The following POU2F2 variants were observed in gnomAD, a reference collection of about 807,000 sequenced individuals.
POU2F2 encodes the protein POU domain, class 2, transcription factor 2.
A neutral mutation model predicts 63.5 loss-of-function variants in POU2F2; 14 were observed. That is an observed-to-expected ratio of 0.22 (90% CI 0.15 to 0.34). POU2F2 has a LOEUF of 0.34. Among genes scored for constraint, POU2F2 ranks in the 10% least tolerant of loss-of-function variants. The pLI is 1.00. For missense variants in POU2F2, 607 were observed against 815.2 expected, an observed-to-expected ratio of 0.74 and a Z score of 3.11; for synonymous variants, 306 against 348.6, an observed-to-expected ratio of 0.88 and a Z score of 1.36.
At chr19:42,186,670 G>A (rs1438935293) in intron 1 of POU2F2, among the ~76,000 whole-genome samples, 3 of 152,084 alleles carry the variant, frequency 2.0e-5, no homozygotes, top group Non-Finnish European at 4.4e-5. Flanking sequence ...CAATAGCCTA[G>A]GCAAGAGATG....
upstream of POU2F2, among the ~76,000 whole-genome samples, chr19:42,179,543 G>A (rs1599725215): frequency 6.6e-6 from 1 of 151,872 alleles, no homozygotes; most frequent in Non-Finnish European, 1.5e-5. Context: ...GGAGGGAAAG[G>A]GAGGAGGAGG....
intron 2 of POU2F2, among the ~76,000 whole-genome samples, chr19:42,147,851 G>A (rs1448338469): frequency 6.6e-6 from 1 of 152,134 alleles, no homozygotes; most frequent in Non-Finnish European, 1.5e-5. Context: ...AACAGGAAAG[G>A]GCATGGCCAT....
Position 42,095,475 on chromosome 19 carries a change from G to A in POU2F2, c.1021-13C>T, listed in dbSNP as rs762592237. 1 of 1,611,156 alleles carries A rather than the reference G, an allele frequency of 6.2e-7. No individual in the cohort carries two copies. Among genetic ancestry groups the A allele is most frequent in the South Asian group, 1.1e-5 (1 of 90,996 alleles). On this transcript the variant is annotated splice_polypyrimidine_tract_variant and intron_variant, in intron 10 of 14. Transcript: ENST00000692977. The surrounding 1 kb of genome is among the most constrained non-coding windows in gnomAD (Gnocchi z 7.1). ...TAGGCTTCTGGTTCTGCAGGCAGAGGGCTCGTTAGCCCGAGGCCCACCGCC... is the reference window on the plus strand; with the variant it reads ...TAGGCTTCTGGTTCTGCAGGCAGAGAGCTCGTTAGCCCGAGGCCCACCGCC...
intron 2 of POU2F2, among the ~76,000 whole-genome samples, chr19:42,141,018 T>C (rs2034116064): frequency 6.6e-6 from 1 of 152,218 alleles, no homozygotes; most frequent in South Asian, 2.1e-4. Context: ...CTGCCACAAA[T>C]TCTGTACACA....
At chr19:42,108,869 A>G (rs2030594159) in intron 5 of POU2F2, among the ~76,000 whole-genome samples, 1 of 152,218 alleles carries the variant, frequency 6.6e-6, no homozygotes, top group South Asian at 2.1e-4. Flanking sequence ...AACCTAGCAC[A>G]AGAGCTAGCA....
intron 1 of POU2F2, among the ~76,000 whole-genome samples, chr19:42,183,196 C>T (rs151120693): frequency 6.6e-6 from 1 of 152,308 alleles, no homozygotes; most frequent in Non-Finnish European, 1.5e-5. Flanking sequence ...GCTGAAGAAA[C>T]AAATGCAAAT....
intron 5 of POU2F2, among the ~76,000 whole-genome samples, chr19:42,107,420 A>T (rs2030286794): frequency 6.6e-6 from 1 of 152,198 alleles, no homozygotes. Context: ...GTGGTCATAA[A>T]ATCATTTATG....
chr19:42,092,177 G>C lies in POU2F2; in HGVS notation c.1358C>G (p.Ser453Cys). The C allele has an allele frequency of 1.3e-6, 2 of 1,493,076 alleles. No homozygotes were observed. The highest frequency in any genetic ancestry group is 9.1e-7 in the Non-Finnish European group (1 of 1,098,836). The allele number at this position is 1,493,076 out of a possible 1,614,324, so 92.5% of individuals were successfully genotyped here. Residue 453 changes from serine (S) to cysteine (C), a missense_variant, in exon 13 of 15, where the codon TCC becomes TGC. Physicochemically the swap from Ser to Cys is moderately radical, Grantham distance 112. Around this residue, in one of 7 missense-constraint regions of POU2F2, gnomAD observed 270 missense variants for 307.5 expected, o/e 0.88. Coordinates refer to ENST00000692977, the MANE Select transcript of POU2F2 (RefSeq NM_001394376.1). This position sits in a 1 kb window ranked among gnomAD's most constrained non-coding sequence, Gnocchi z 5.0. ...GGGGAAPPLN[S>C]IPSVTPPPPA... ...GGGTGGGGGAGTGACAGAGGGGATG[G>C]AATTGAGGGGGGGCGCAGCCCCGCC... is the stretch of plus-strand genomic sequence containing the variant.
chr19:42,101,394 A>T (rs1272051717), intron 5 of POU2F2, among the ~76,000 whole-genome samples: 2 of 152,120 alleles, frequency 1.3e-5, no homozygotes, highest in Non-Finnish European at 2.9e-5. Context: ...CTCTAATCCT[A>T]TATGACTTGT....
At position 42,090,985 on chromosome 19, in the gene POU2F2, GGTTT is replaced by G. The variant is rs2076690641; in HGVS notation, c.*268_*271del. On this transcript the variant is annotated 3_prime_UTR_variant, in exon 15 of 15. Transcript: ENST00000692977. This position sits in a 1 kb window ranked among gnomAD's most constrained non-coding sequence, Gnocchi z 4.4. ...GATTTTGTGGGTTTTTTTTTTTTTTGGTTTGTTTTTGGTTTTTTTTTGTTTGTTT... is the reference window on the plus strand; with the variant it reads ...GATTTTGTGGGTTTTTTTTTTTTTTGGTTTTTGGTTTTTTTTTGTTTGTTT... 2 of 236,200 alleles carry G rather than the reference GGTTT, an allele frequency of 8.5e-6. No individual in the cohort carries two copies. Among genetic ancestry groups the G allele is most frequent in the African/African-American group, 2.4e-5 (1 of 42,096 alleles). The allele number at this position is 236,200 out of a possible 1,614,324, so 14.6% of individuals were successfully genotyped here. A position where few individuals can be genotyped will look rare whatever the true frequency, so the allele number is the denominator to read the frequency against.
At chr19:42,193,306 T>C (rs1169698812) in intron 1 of POU2F2, among the ~76,000 whole-genome samples, 1 of 151,996 alleles carries the variant, frequency 6.6e-6, no homozygotes, top group Non-Finnish European at 1.5e-5. Flanking sequence ...TTACCTTAAA[T>C]GGCAAAAAGG....
chr19:42,095,963 AGG>A lies in POU2F2; in HGVS notation c.730-36_730-35del. ...GTGGGGCGGGGAAGGGCCCGAAGTC[AGG>A]GTGGGGCCTTCCGGCACTGGGCCCG... On this transcript the variant is annotated intron_variant, in intron 8 of 14. Coordinates refer to ENST00000692977, the MANE Select transcript of POU2F2 (RefSeq NM_001394376.1). The surrounding 1 kb of genome is among the most constrained non-coding windows in gnomAD (Gnocchi z 7.1). The A allele has an allele frequency of 6.4e-7, 1 of 1,567,540 alleles. No homozygotes were observed. Among genetic ancestry groups the A allele is most frequent in the South Asian group, 1.1e-5 (1 of 89,556 alleles).
chr19:42,126,303 C>A (rs1487461999), intron 1 of POU2F2, among the ~76,000 whole-genome samples: 2 of 151,920 alleles, frequency 1.3e-5, no homozygotes, highest in Admixed American at 1.3e-4. Flanking sequence ...ATTAGCCGGG[C>A]ATGGTAGTGT....
chr19:42,188,703 AAGAC>A (rs1412334891), intron 1 of POU2F2, among the ~76,000 whole-genome samples: 7 of 143,848 alleles, frequency 4.9e-5, no homozygotes, highest in South Asian at 2.4e-4. Flanking sequence ...AAGTGAAAGA[AAGAC>A]AGAGAGAGGG....
chr19:42,086,570 TTGGAAGGTGATGG>T lies in POU2F2; in HGVS notation c.*4674_*4686del, dbSNP rs2076554496. The T allele has an allele frequency of 6.6e-6, 1 of 152,096 alleles. No homozygotes were observed. Among genetic ancestry groups the T allele is most frequent in the Non-Finnish European group, 1.5e-5 (1 of 68,072 alleles). The allele number at this position is 152,096 out of a possible 1,614,324, so 9.4% of individuals were successfully genotyped here. ...ACCTTGCCCTAGTGCAGCCCTGGATTTGGAAGGTGATGGTGGAAGCAGTGGGACAAGAGGCCAG... is the reference window on the plus strand; with the variant it reads ...ACCTTGCCCTAGTGCAGCCCTGGATTTGGAAGCAGTGGGACAAGAGGCCAG... On this transcript the variant is annotated 3_prime_UTR_variant, in exon 15 of 15. Transcript: ENST00000692977.
chr19:42,149,347 C>T (rs1425227482), intron 2 of POU2F2, among the ~76,000 whole-genome samples: 3 of 152,122 alleles, frequency 2.0e-5, no homozygotes, highest in Non-Finnish European at 2.9e-5. Flanking sequence ...CCTTTTTCTG[C>T]GTGTTCTGCT....
intron 2 of POU2F2, among the ~76,000 whole-genome samples, chr19:42,157,834 G>A (rs2034485258): frequency 6.6e-6 from 1 of 152,266 alleles, no homozygotes; most frequent in East Asian, 1.9e-4. Context: ...TGCTGTGGGT[G>A]GGAGGAGATT....
At position 42,141,473 on chromosome 19, in the gene POU2F2, CTTTTTTT is replaced by C. The variant is rs58221767; in HGVS notation, c.-9+18852_-9+18858del. Among the ~76,000 whole-genome samples the C allele has an allele frequency of 1.1e-3, 111 of 98,968 alleles. 1 individual carries two copies. The East Asian group carries it at 0.029, about 26-fold the overall frequency. The allele number at this position is 98,968 out of a possible 152,430, so 64.9% of individuals were successfully genotyped here. On this transcript the variant is annotated intron_variant, in intron 2 of 6. Transcript: ENST00000524801. ...ATTGGCTGACAGGAACTTAATTAAT[CTTTTTTT>C]TTTTTTTTTTTTTTTTTTGAGAAGG...
chr19:42,172,757 G>A (rs545215564), intron 1 of POU2F2, among the ~76,000 whole-genome samples: 7 of 152,250 alleles, frequency 4.6e-5, no homozygotes, highest in South Asian at 2.1e-4. Flanking sequence ...GATATAAAGC[G>A]AGACCCACAT....
Sources: gnomAD v4.1 joint callset for allele counts (sites outside exome capture counted in the v4.1 genomes callset) on GRCh38, gnomAD v4.1.1 for gene constraint, gnomAD v4.1.1 regional missense constraint, Gnocchi (gnomAD v3.1) non-coding constraint, MANE v1.5 for transcripts, NCBI Gene and HGNC (gene_info 2026-07-23, HGNC 2026-07-21) for gene names.